The following IQCB1 variants were observed in gnomAD, a reference collection of about 807,000 sequenced individuals.
IQCB1 encodes the protein IQ calmodulin-binding motif-containing protein 1.
Under a neutral mutation model 84.4 loss-of-function variants are expected in IQCB1, and 56 were observed. That is an observed-to-expected ratio of 0.66 (90% CI 0.54 to 0.83). IQCB1 has a LOEUF of 0.83. Ranked by LOEUF, IQCB1 falls within the 40% of genes least tolerant of loss-of-function variation. The pLI is 0.00. For missense variants in IQCB1, 629 were observed against 682.1 expected (o/e 0.92, Z 0.87); for synonymous variants, 210 against 234.8 (o/e 0.89, Z 0.96).
intron 12 of IQCB1, among the ~76,000 whole-genome samples, chr3:121,782,602 T>C (rs1948549231): frequency 6.6e-6 from 1 of 152,258 alleles, no homozygotes; most frequent in Non-Finnish European, 1.5e-5. Context: ...AAAAGAATAT[T>C]TAGTGGCACG....
chr3:121,773,257 T>G (rs1396943647), intron 13 of IQCB1, among the ~76,000 whole-genome samples: 1 of 136,382 alleles, frequency 7.3e-6, no homozygotes, highest in Non-Finnish European at 1.5e-5. Flanking sequence ...GAGTTTGCAA[T>G]GAGCCGAGAT....
Position 121,769,919 on chromosome 3 carries a change from G to T in IQCB1, c.*426C>A, listed in dbSNP as rs1185969166. Reference sequence around the variant, plus strand: ...TCTTTTCCTCACATTAATAAAGTCTGCACACACCTCCTATGTTAACAGGAA... The same window carrying T: ...TCTTTTCCTCACATTAATAAAGTCTTCACACACCTCCTATGTTAACAGGAA... On this transcript the variant is annotated 3_prime_UTR_variant, in exon 15 of 15. Coordinates refer to ENST00000310864, the MANE Select transcript of IQCB1 (RefSeq NM_001023570.4). 5.8e-6 allele frequency: 1 copy of T among 171,748 alleles called. No individual in the cohort carries two copies. Among genetic ancestry groups the T allele is most frequent in the African/African-American group, 2.4e-5 (1 of 41,652 alleles). The allele number at this position is 171,748 out of a possible 1,614,324, so 10.6% of individuals were successfully genotyped here. A position where few individuals can be genotyped will look rare whatever the true frequency, so the allele number is the denominator to read the frequency against.
chr3:121,797,295 G>T, intron 8 of IQCB1, 68 bp from the exon 9 acceptor site: 1 of 696,976 alleles, frequency 1.4e-6, no homozygotes, highest in Non-Finnish European at 2.4e-6. Flanking sequence ...TATCTAATCA[G>T]TATTAATTTG....
chr3:121,797,521 C>A (rs1949248920), intron 8 of IQCB1, among the ~76,000 whole-genome samples: 1 of 148,202 alleles, frequency 6.7e-6, no homozygotes. Context: ...GATGGAATCA[C>A]TGTGGTAAAT....
chr3:121,834,785 G>GCACCTCC (rs1708174078), intron 1 of IQCB1, among the ~76,000 whole-genome samples, 181 bp downstream of exon 1: 1 of 152,178 alleles, frequency 6.6e-6, no homozygotes, highest in African/African-American at 2.4e-5. Context: ...CCTGGACACT[G>GCACCTCC]CACCTCCCCA....
chr3:121,833,671 T>A lies in IQCB1; in HGVS notation c.-13+720A>T, dbSNP rs574567612. Among the ~76,000 whole-genome samples the A allele has an allele frequency of 3.3e-5, 5 of 152,252 alleles. No individual in the cohort carries two copies. The South Asian group carries it at 6.2e-4, about 19-fold the overall frequency. On this transcript the variant is annotated intron_variant, in intron 2 of 14. Transcript: ENST00000310864. ...ATACAAAAAAATATACTTAAGAATA[T>A]CAGATATATGTTAAATGCTAAATAG...
intron 10 of IQCB1, among the ~76,000 whole-genome samples, chr3:121,790,826 C>A (rs750023321): frequency 1.3e-5 from 2 of 152,108 alleles, no homozygotes; most frequent in Non-Finnish European, 2.9e-5. Flanking sequence ...GTGATTTTTA[C>A]TGCATGATGT....
chr3:121,801,760 C>T (rs937210627), intron 7 of IQCB1, among the ~76,000 whole-genome samples: 9 of 149,268 alleles, frequency 6.0e-5, no homozygotes, highest in Admixed American at 5.4e-4. Context: ...AGGAAACCAC[C>T]GATCTGCTTT....
chr3:121,791,205 C>CT (rs1275889307), intron 10 of IQCB1, among the ~76,000 whole-genome samples: 3 of 151,908 alleles, frequency 2.0e-5, no homozygotes, highest in East Asian at 1.9e-4. Context: ...TCTCTTAGAT[C>CT]TTTTTTTTAA....
At chr3:121,795,408 A>G in intron 10 of IQCB1, 49 bp downstream of exon 10, 1 of 928,192 alleles carries the variant, frequency 1.1e-6, no homozygotes. Context: ...ATTCAACTGT[A>G]CTCTAGTAAG....
At chr3:121,778,370 A>C (rs922394622) in intron 13 of IQCB1, among the ~76,000 whole-genome samples, 1 of 152,090 alleles carries the variant, frequency 6.6e-6, no homozygotes, top group Non-Finnish European at 1.5e-5. Flanking sequence ...AGCTTGCAAT[A>C]TAGGCATGTA....
intron 10 of IQCB1, among the ~76,000 whole-genome samples, chr3:121,791,908 T>C (rs1038052720): frequency 6.6e-6 from 1 of 152,010 alleles, no homozygotes; most frequent in African/African-American, 2.4e-5. Context: ...CTGGCCAACA[T>C]AGCGAAACCC....
At chr3:121,784,864 G>T (rs1948642867) in intron 12 of IQCB1, among the ~76,000 whole-genome samples, 1 of 151,966 alleles carries the variant, frequency 6.6e-6, no homozygotes, top group African/African-American at 2.4e-5. Context: ...TATAGAGAAA[G>T]AGTCTTATTA....
intron 14 of IQCB1, among the ~76,000 whole-genome samples, chr3:121,771,083 T>C (rs1369754542): frequency 6.6e-6 from 1 of 152,178 alleles, no homozygotes; most frequent in Non-Finnish European, 1.5e-5. Flanking sequence ...GCAATTCTCC[T>C]ACCTCAGCCT....
chr3:121,787,748 T>C (rs1034281286), intron 12 of IQCB1, among the ~76,000 whole-genome samples: 3 of 105,694 alleles, frequency 2.8e-5, no homozygotes, highest in Non-Finnish European at 5.8e-5. Flanking sequence ...AGAATCCGTC[T>C]CAAAAAAAAA....
chr3:121,788,700 A>AC (rs1380888222), intron 11 of IQCB1, among the ~76,000 whole-genome samples: 127 of 151,562 alleles, frequency 8.4e-4, no homozygotes, highest in African/African-American at 2.9e-3. Flanking sequence ...TACAAAGAAC[A>AC]CTAAAAAAAA....
intron 10 of IQCB1, among the ~76,000 whole-genome samples, chr3:121,791,408 T>C (rs1046219030): frequency 6.6e-6 from 1 of 152,224 alleles, no homozygotes; most frequent in African/African-American, 2.4e-5. Context: ...AATTCTTCCA[T>C]CAATTACAAC....
chr3:121,807,365 T>C lies in IQCB1; in HGVS notation c.566A>G (p.Gln189Arg). The C allele has an allele frequency of 1.3e-6, 2 of 1,546,788 alleles. No individual in the cohort carries two copies. The highest frequency in any genetic ancestry group is 1.8e-6 in the Non-Finnish European group (2 of 1,119,184). Residue 189 changes from glutamine (Q) to arginine (R), a missense_variant, in exon 7 of 15, where the codon CAG becomes CGG. Coordinates refer to ENST00000310864, the MANE Select transcript of IQCB1 (RefSeq NM_001023570.4). ...QIGSAVMMMLQNILQINSGDL... is the reference protein window; with the variant it reads ...QIGSAVMMMLRNILQINSGDL... Reference sequence around the variant, plus strand: ...TCACCTGTTGATCTGTAGTATATTCTGTAGCATCATCATGACTGCAGATCC... The same window carrying C: ...TCACCTGTTGATCTGTAGTATATTCCGTAGCATCATCATGACTGCAGATCC...
intron 5 of IQCB1, among the ~76,000 whole-genome samples, chr3:121,809,963 A>T (rs1949763425): frequency 1.3e-5 from 2 of 151,484 alleles, no homozygotes; most frequent in Non-Finnish European, 3.0e-5. Context: ...AAAAACCCAT[A>T]AGAAACGTCA....
Sources: allele counts gnomAD v4.1 joint callset (sites outside exome capture counted in the v4.1 genomes callset), GRCh38; gene constraint gnomAD v4.1.1; transcripts MANE v1.5; gene names NCBI Gene and HGNC (gene_info 2026-07-23, HGNC 2026-07-21).